ZSCAN5C: variants seen among roughly 807,000 people sequenced by gnomAD.
ZSCAN5C encodes the protein zinc finger and SCAN domain containing 5C, also known as zinc finger and SCAN domain-containing protein 5C.
In ZSCAN5C, 11 loss-of-function variants were observed where a neutral mutation model predicts 17.3. The ratio of observed to expected loss-of-function variants is 0.64; its 90% CI spans 0.40 to 1.06. The LOEUF is 1.06. Among genes scored for constraint, ZSCAN5C ranks in the 50% least tolerant of loss-of-function variants. The pLI, the probability that ZSCAN5C is intolerant of heterozygous loss-of-function variation, is 0.00. For missense variants in ZSCAN5C, 698 were observed against 538.9 expected, an observed-to-expected ratio of 1.30 and a Z score of -2.92; for synonymous variants, 229 against 208.4, an observed-to-expected ratio of 1.10 and a Z score of -0.85.
chr19:56,204,076 G>C (rs1205733165), intron 1 of ZSCAN5C, among the ~76,000 whole-genome samples: 1 of 151,778 alleles, frequency 6.6e-6, no homozygotes, highest in Non-Finnish European at 1.5e-5. Context: ...TGAGTATATT[G>C]AGTGATGCTG....
exon 3 of ZSCAN5C, chr19:56,207,095 C>G (rs2032929847): frequency 2.7e-6 from 2 of 744,770 alleles, no homozygotes; most frequent in East Asian, 2.5e-5. Flanking sequence ...ATATCTTATG[C>G]AGGAATCAGA....
At chr19:56,208,765 A>C (rs1599948419) in exon 5 of ZSCAN5C, 8 of 1,602,254 alleles carry the variant, frequency 5.0e-6, no homozygotes, top group Middle Eastern at 3.3e-4. Flanking sequence ...AAGTCAAGGA[A>C]CTGCTGCCCT....
At chr19:56,208,108 G>A (rs750326869) in exon 4 of ZSCAN5C, 3 of 776,374 alleles carry the variant, frequency 3.9e-6, no homozygotes, top group African/African-American at 1.7e-5. Context: ...AGCCGACCTT[G>A]GAGAAGGACC....
intron 1 of ZSCAN5C, among the ~76,000 whole-genome samples, chr19:56,203,135 A>G (rs1029031939): frequency 6.6e-6 from 1 of 151,866 alleles, no homozygotes; most frequent in Non-Finnish European, 1.5e-5. Context: ...ACAGGCTCTC[A>G]CTATGTTGCC....
chr19:56,207,858 C>T (rs73617596), intron 3 of ZSCAN5C, among the ~76,000 whole-genome samples, 176 bp from the exon 4 acceptor site: 20 of 151,848 alleles, frequency 1.3e-4, no homozygotes, highest in African/African-American at 3.2e-4. Context: ...CTCCTTCCAG[C>T]GTCAGGGGCA....
exon 2 of ZSCAN5C, chr19:56,206,030 T>C (rs776984676): frequency 1.6e-5 from 25 of 1,610,544 alleles, no homozygotes; most frequent in South Asian, 5.5e-5. Context: ...ATGACAGTGA[T>C]CCTGAGACTT....
chr19:56,204,836 G>A (rs1201299420), intron 1 of ZSCAN5C, among the ~76,000 whole-genome samples: 2 of 151,938 alleles, frequency 1.3e-5, no homozygotes, highest in African/African-American at 4.9e-5. Context: ...GGAAAGCAGG[G>A]CTGTGTTCTC....
intron 1 of ZSCAN5C, among the ~76,000 whole-genome samples, chr19:56,203,876 C>T (rs954525036): frequency 3.3e-5 from 5 of 151,612 alleles, no homozygotes; most frequent in Admixed American, 1.3e-4. Flanking sequence ...CTTGAACTCC[C>T]GACCTCAGGT....
At position 56,207,370 on chromosome 19, in the gene ZSCAN5C, C is replaced by T; in HGVS notation, c.588+108C>T. On this transcript the variant is annotated intron_variant, in intron 3 of 4. Coordinates refer to ENST00000534327, the Ensembl canonical transcript of ZSCAN5C. ...GATTTGGCACAGGACAAGATTACAGCCATTCCCCATGGACATGGTACATCC... is the reference window on the plus strand; with the variant it reads ...GATTTGGCACAGGACAAGATTACAGTCATTCCCCATGGACATGGTACATCC... 6.6e-6 allele frequency: 4 copies of T among 605,910 alleles called. No homozygotes were observed. The South Asian group carries it at 7.9e-5, about 12-fold the overall frequency. 37.5% of individuals were successfully genotyped at this position (605,910 alleles called of 1,614,324 possible).
At chr19:56,207,788 G>A (rs1278894239) in intron 3 of ZSCAN5C, among the ~76,000 whole-genome samples, 1 of 151,786 alleles carries the variant, frequency 6.6e-6, no homozygotes, top group Non-Finnish European at 1.5e-5. Context: ...CCCTCCAGGA[G>A]GGTGATGCAG....
At chr19:56,207,888 G>A in intron 3 of ZSCAN5C, 146 bp from the exon 4 acceptor site, 1 of 602,762 alleles carries the variant, frequency 1.7e-6, no homozygotes, top group South Asian at 2.0e-5. Flanking sequence ...TGGCACAGCG[G>A]GGAGAAATAT....
intron 2 of ZSCAN5C, 108 bp from the exon 3 acceptor site, chr19:56,206,951 T>G: frequency 3.3e-6 from 2 of 613,568 alleles, no homozygotes; most frequent in East Asian, 5.5e-5. Context: ...GAAGGCAGAT[T>G]TGAACATTAA....
At chr19:56,202,604 G>A (rs1045478195) in intron 1 of ZSCAN5C, among the ~76,000 whole-genome samples, 10 of 151,824 alleles carry the variant, frequency 6.6e-5, no homozygotes, top group Admixed American at 5.9e-4. Flanking sequence ...TTATTTTTTA[G>A]AGATGAGATC....
At position 56,202,638 on chromosome 19, in the gene ZSCAN5C, G is replaced by A. The variant is rs550983313; in HGVS notation, c.-128+316G>A. Among the ~76,000 whole-genome samples, 56 of 152,018 alleles carry A rather than the reference G, an allele frequency of 3.7e-4. 2 individuals carry two copies. Among genetic ancestry groups the A allele is most frequent in the African/African-American group, 1.1e-3 (45 of 41,286 alleles). ...TCTCTCTCATTGCCCAGACTAGACT[G>A]GAATTCCCGGACTCAAACGATCCGC... On this transcript the variant is annotated intron_variant, in intron 1 of 4. Coordinates refer to ENST00000534327, the Ensembl canonical transcript of ZSCAN5C.
chr19:56,209,229 A>C (rs1568592337), downstream of ZSCAN5C: 2 of 662,298 alleles, frequency 3.0e-6, no homozygotes, highest in Non-Finnish European at 5.3e-6. Flanking sequence ...CTTCTGCACC[A>C]AGAAAGTGTG....
intron 3 of ZSCAN5C, 135 bp from the exon 4 acceptor site, chr19:56,207,899 G>GC (rs1383493331): frequency 5.0e-6 from 3 of 604,070 alleles, no homozygotes; most frequent in South Asian, 2.0e-5. Flanking sequence ...GGAGAAATAT[G>GC]CCCAGAGAAC....
At chr19:56,208,857 T>G (rs2032956438) in exon 5 of ZSCAN5C, 1 of 1,559,068 alleles carries the variant, frequency 6.4e-7, no homozygotes, top group Admixed American at 1.7e-5. Flanking sequence ...GGCGAGAGAC[T>G]CTTTCAGTGT....
intron 1 of ZSCAN5C, among the ~76,000 whole-genome samples, chr19:56,204,861 T>G (rs2146337943): frequency 6.6e-6 from 1 of 152,162 alleles, no homozygotes; most frequent in East Asian, 1.9e-4. Context: ...CTGTTGAACT[T>G]GGGTGATAAT....
chr19:56,209,333 T>C (rs1048547632), downstream of ZSCAN5C: 9 of 510,224 alleles, frequency 1.8e-5, 1 homozygote, highest in African/African-American at 1.5e-4. Flanking sequence ...ATTCCTAGGA[T>C]GTTTGTTTAA....
Sources: allele counts gnomAD v4.1 joint callset (sites outside exome capture counted in the v4.1 genomes callset), GRCh38; gene constraint gnomAD v4.1.1; transcripts MANE v1.5; gene names NCBI Gene and HGNC (gene_info 2026-07-23, HGNC 2026-07-21).